The following UNC5D variants were observed in gnomAD, a reference collection of about 807,000 sequenced individuals.
The protein encoded by UNC5D is unc-5 netrin receptor D.
In UNC5D, 39 loss-of-function variants were observed where a neutral mutation model predicts 105.4. The ratio of observed to expected loss-of-function variants is 0.37; its 90% CI spans 0.29 to 0.48. The LOEUF is 0.48. UNC5D is among the 20% of genes least tolerant of loss of function. UNC5D has a pLI of 0.98. For missense variants in UNC5D, 991 were observed against 1,202.4 expected (o/e 0.82, Z 2.60); for synonymous variants, 452 against 450.4 (o/e 1.00, Z -0.04).
chr8:35,417,888 C>T (rs1563398227), intron 1 of UNC5D, among the ~76,000 whole-genome samples: 1 of 152,106 alleles, frequency 6.6e-6, no homozygotes, highest in Non-Finnish European at 1.5e-5. Context: ...ATTAAAAGCA[C>T]AGTATTTGTG....
Position 35,300,446 on chromosome 8 carries a change from C to CAAAAAAAAAAAAAAAAA in UNC5D, c.103+64591_103+64607dup, listed in dbSNP as rs752599540. ...TGGGCAACAGAGAGAGACTCCCTCTCAAAAAAAAAAAAAAAAAAAAAAAAA... is the reference window on the plus strand; with the variant it reads ...TGGGCAACAGAGAGAGACTCCCTCTCAAAAAAAAAAAAAAAAAAAAAAAAAAAAAAAAAAAAAAAAAA... On this transcript the variant is annotated intron_variant, in intron 1 of 16. Coordinates refer to ENST00000404895, the MANE Select transcript of UNC5D (RefSeq NM_080872.4). Among the ~76,000 whole-genome samples, 2 of 58,416 alleles carry CAAAAAAAAAAAAAAAAA rather than the reference C, an allele frequency of 3.4e-5. 1 individual carries two copies. Among genetic ancestry groups the CAAAAAAAAAAAAAAAAA allele is most frequent in the Non-Finnish European group, 6.6e-5 (2 of 30,138 alleles). The allele number at this position is 58,416 out of a possible 152,430, so 38.3% of individuals were successfully genotyped here.
chr8:35,511,291 G>A (rs1231376562), intron 1 of UNC5D, among the ~76,000 whole-genome samples: 1 of 152,032 alleles, frequency 6.6e-6, no homozygotes, highest in African/African-American at 2.4e-5. Context: ...ATAAAATCAT[G>A]TTAATAATTC....
chr8:35,271,691 GTATACATGTATACATATATATT>G (rs1563268098), intron 1 of UNC5D, among the ~76,000 whole-genome samples: 1 of 52,584 alleles, frequency 1.9e-5, no homozygotes, highest in Non-Finnish European at 4.0e-5. Flanking sequence ...ATGTATACAT[GTATACATGTATACATATATATT>G]TATACATGTA....
intron 16 of UNC5D, among the ~76,000 whole-genome samples, chr8:35,778,188 C>T (rs553517964): frequency 6.6e-6 from 1 of 152,224 alleles, no homozygotes; most frequent in Non-Finnish European, 1.5e-5. Context: ...TTTAACAGGG[C>T]CTTCTCATTC....
intron 1 of UNC5D, among the ~76,000 whole-genome samples, chr8:35,465,908 G>T (rs911598143): frequency 2.8e-4 from 42 of 152,124 alleles, no homozygotes; most frequent in African/African-American, 9.4e-4. Context: ...CATTTTGAAG[G>T]TGGAGGAAGG....
At chr8:35,695,555 A>AAATAG (rs1334411704) in intron 7 of UNC5D, among the ~76,000 whole-genome samples, 2 of 151,918 alleles carry the variant, frequency 1.3e-5, no homozygotes, top group African/African-American at 4.8e-5. Flanking sequence ...AAATAAAATA[A>AAATAG]ACCCTCAAGA....
chr8:35,389,283 C>G (rs1413621094), intron 1 of UNC5D, among the ~76,000 whole-genome samples: 1 of 152,144 alleles, frequency 6.6e-6, no homozygotes, highest in African/African-American at 2.4e-5. Flanking sequence ...CCCTCTAAAA[C>G]TATAAGAAAA....
At chr8:35,677,030 C>T (rs1382165136) in intron 4 of UNC5D, among the ~76,000 whole-genome samples, 1 of 151,638 alleles carries the variant, frequency 6.6e-6, no homozygotes, top group African/African-American at 2.4e-5. Context: ...CCACACTGTG[C>T]CTGTGTTCTC....
intron 3 of UNC5D, among the ~76,000 whole-genome samples, chr8:35,568,617 A>C (rs915564595): frequency 3.0e-4 from 46 of 152,324 alleles, no homozygotes; most frequent in African/African-American, 1.1e-3. Flanking sequence ...TGAACCCAGG[A>C]GGTGGAGGTT....
chr8:35,444,038 AAC>A (rs1563424574), intron 1 of UNC5D, among the ~76,000 whole-genome samples: 1 of 152,076 alleles, frequency 6.6e-6, no homozygotes, highest in African/African-American at 2.4e-5. Context: ...GACAGATTAT[AAC>A]ACAAGAATTT....
rs1250878010 is a variant in UNC5D at position 35,684,755 on chromosome 8, A to T, written c.919+6A>T. On this transcript the variant is annotated splice_donor_region_variant and intron_variant, in intron 6 of 16. Transcript: ENST00000404895. ...CTGCACTTCTCTTTGTCCTGGTGAG[A>T]TATATGCAGATTCCCTTTTCCCTTC... The T allele has an allele frequency of 6.2e-7, 1 of 1,604,474 alleles. No individual in the cohort carries two copies. The highest frequency in any genetic ancestry group is 1.7e-5 in the Admixed American group (1 of 58,904).
intron 11 of UNC5D, 114 bp downstream of exon 11, chr8:35,731,210 C>A: frequency 3.2e-6 from 3 of 936,680 alleles, no homozygotes; most frequent in Non-Finnish European, 4.9e-6. Context: ...ACCAGCCTGG[C>A]CAACATGGCG....
intron 4 of UNC5D, among the ~76,000 whole-genome samples, chr8:35,644,647 A>G (rs1822940567): frequency 6.6e-6 from 1 of 152,186 alleles, no homozygotes; most frequent in African/African-American, 2.4e-5. Flanking sequence ...ACCATCATGC[A>G]GGTTGTCTGC....
In UNC5D at chr8:35,263,015, C is replaced by A. The variant is rs146002718; in HGVS notation, c.103+27128C>A. On this transcript the variant is annotated intron_variant, in intron 1 of 16. Transcript: ENST00000404895. ...GTAATGTGATGTATCCTCAGGCTAC[C>A]ATTCCAGTTTCATCTCTCACCACTG... Among the ~76,000 whole-genome samples the A allele has an allele frequency of 2.9e-3, 437 of 152,260 alleles. 7 individuals carry two copies. Among genetic ancestry groups the A allele is most frequent in the African/African-American group, 0.01 (428 of 41,552 alleles).
intron 13 of UNC5D, among the ~76,000 whole-genome samples, chr8:35,758,880 G>A (rs895432092): frequency 3.9e-5 from 6 of 152,166 alleles, no homozygotes; most frequent in Non-Finnish European, 7.3e-5. Context: ...GCCTGCATTA[G>A]TGAAGAAAAA....
intron 16 of UNC5D, among the ~76,000 whole-genome samples, chr8:35,775,406 G>A (rs1802199696): frequency 6.6e-6 from 1 of 152,030 alleles, no homozygotes; most frequent in Admixed American, 6.6e-5. Context: ...ATTACTTTAG[G>A]TAAGACAGGC....
At chr8:35,553,252 C>T (rs1816297323) in intron 2 of UNC5D, among the ~76,000 whole-genome samples, 2 of 152,030 alleles carry the variant, frequency 1.3e-5, no homozygotes, top group Admixed American at 1.3e-4. Context: ...TTGCTTCCCC[C>T]TTTTAATTCC....
chr8:35,494,660 C>G (rs1369300455), intron 1 of UNC5D, among the ~76,000 whole-genome samples: 1 of 152,188 alleles, frequency 6.6e-6, no homozygotes, highest in Admixed American at 6.5e-5. Context: ...ATTCTGAAAG[C>G]TGTGCCTTGC....
At chr8:35,430,201 T>G (rs1806532587) in intron 1 of UNC5D, among the ~76,000 whole-genome samples, 1 of 152,102 alleles carries the variant, frequency 6.6e-6, no homozygotes, top group African/African-American at 2.4e-5. Flanking sequence ...TTGGTTATGT[T>G]GATCACCAGT....
Sources: gnomAD v4.1 joint callset for allele counts (sites outside exome capture counted in the v4.1 genomes callset) on GRCh38, gnomAD v4.1.1 for gene constraint, MANE v1.5 for transcripts, NCBI Gene and HGNC (gene_info 2026-07-23, HGNC 2026-07-21) for gene names.